SNCAIP: variants seen among roughly 807,000 people sequenced by gnomAD.
The protein encoded by SNCAIP is synuclein alpha interacting protein, also known as synphilin-1.
SNCAIP carries 43 observed loss-of-function variants against 86.7 expected under a neutral mutation model. That is an observed-to-expected ratio of 0.50 (90% CI 0.39 to 0.64). The LOEUF (loss-of-function observed/expected upper bound fraction) is 0.64, where lower values mean the gene tolerates loss of function less well. Ranked by LOEUF, SNCAIP falls within the 30% of genes least tolerant of loss-of-function variation. The probability of loss-of-function intolerance (pLI) is 0.00; values close to 1 mark genes in which losing one functional copy is unlikely to be tolerated. For missense variants in SNCAIP, 981 were observed against 1,103.1 expected (o/e 0.89, Z 1.57); for synonymous variants, 417 against 427.2 (o/e 0.98, Z 0.29).
intron 1 of SNCAIP, among the ~76,000 whole-genome samples, chr5:122,362,348 A>G (rs1036776823): frequency 2.0e-5 from 3 of 152,206 alleles, no homozygotes; most frequent in African/African-American, 7.2e-5. Context: ...CCTTTGAGGT[A>G]CAAAGAAATA....
intron 1 of SNCAIP, among the ~76,000 whole-genome samples, chr5:122,345,024 T>C (rs1758312642): frequency 1.3e-5 from 2 of 152,196 alleles, no homozygotes; most frequent in African/African-American, 4.8e-5. Context: ...CTACCAAATG[T>C]GTTCTGGTCT....
intron 1 of SNCAIP, among the ~76,000 whole-genome samples, chr5:122,373,254 C>G (rs1358211584): frequency 6.6e-6 from 1 of 152,096 alleles, no homozygotes; most frequent in Non-Finnish European, 1.5e-5. Context: ...ACTTTCTCAT[C>G]ATAATCAAGT....
rs117527812 is a variant in SNCAIP at position 122,318,165 on chromosome 5, C to G, written c.-47+5881C>G. Among the ~76,000 whole-genome samples the G allele has an allele frequency of 6.1e-3, 934 of 152,082 alleles. 30 individuals carry two copies. The highest frequency in any genetic ancestry group is 0.05 in the Admixed American group (760 of 15,270). On this transcript the variant is annotated intron_variant, in intron 1 of 10. Coordinates refer to ENST00000261368, the MANE Select transcript of SNCAIP (RefSeq NM_005460.4). ...TAGGTGCTGGTATGTTCAGCAACGC[C>G]TTCTTCTAGCTGCCCATATTATCCC...
intron 1 of SNCAIP, among the ~76,000 whole-genome samples, chr5:122,367,177 A>G (rs765436537): frequency 6.6e-6 from 1 of 152,086 alleles, no homozygotes; most frequent in Non-Finnish European, 1.5e-5. Context: ...ATCTGTACAC[A>G]TAGGTATTAG....
At chr5:122,462,214 A>G (rs1303702135) in intron 10 of SNCAIP, among the ~76,000 whole-genome samples, 1 of 152,092 alleles carries the variant, frequency 6.6e-6, no homozygotes, top group Non-Finnish European at 1.5e-5. Flanking sequence ...GGTAGTGCAA[A>G]TCAGTTAGTT....
intron 1 of SNCAIP, among the ~76,000 whole-genome samples, chr5:122,326,265 A>G (rs1238865427): frequency 6.6e-6 from 1 of 152,160 alleles, no homozygotes; most frequent in African/African-American, 2.4e-5. Context: ...CTTGTGTAGT[A>G]GGTTTTTCTA....
chr5:122,402,078 C>A (rs1433488817), intron 2 of SNCAIP, among the ~76,000 whole-genome samples: 2 of 151,792 alleles, frequency 1.3e-5, no homozygotes, highest in African/African-American at 2.4e-5. Flanking sequence ...TAAACTCTTG[C>A]CTTGGATGAA....
At chr5:122,334,592 C>T (rs558266149) in intron 1 of SNCAIP, among the ~76,000 whole-genome samples, 28 of 152,040 alleles carry the variant, frequency 1.8e-4, no homozygotes, top group Non-Finnish European at 3.1e-4. Context: ...TGTCAGTGGA[C>T]GTCAGGTGGT....
rs1043783135 is a variant in SNCAIP at position 122,463,825 on chromosome 5, G to C, written c.*329G>C. On this transcript the variant is annotated 3_prime_UTR_variant, in exon 11 of 11. Transcript: ENST00000261368. ...GGAAAATGTATGTTTTTTAAGAGTA[G>C]ATTGATTCACCCTACCCACAGGACA... The C allele has an allele frequency of 2.9e-5, 9 of 307,518 alleles. No individual in the cohort carries two copies. Among genetic ancestry groups the C allele is most frequent in the African/African-American group, 1.7e-4 (8 of 46,428 alleles). The allele number at this position is 307,518 out of a possible 1,614,324, so 19.0% of individuals were successfully genotyped here.
chr5:122,403,949 C>G, intron 3 of SNCAIP, 84 bp downstream of exon 3: 1 of 989,868 alleles, frequency 1.0e-6, no homozygotes, highest in Non-Finnish European at 1.6e-6. Flanking sequence ...ACACTGGTCC[C>G]CCCTGCTTTC....
chr5:122,419,234 A>G (rs1480912090), intron 3 of SNCAIP, among the ~76,000 whole-genome samples: 15 of 152,112 alleles, frequency 9.9e-5, no homozygotes, highest in Admixed American at 9.8e-4. Context: ...GCAAAGGTGG[A>G]GAGAGATGAG....
At chr5:122,383,056 G>A (rs1767255997) in intron 1 of SNCAIP, among the ~76,000 whole-genome samples, 1 of 152,212 alleles carries the variant, frequency 6.6e-6, no homozygotes, top group African/African-American at 2.4e-5. Flanking sequence ...TCCTTGAGCT[G>A]TGGTGGGCTC....
At chr5:122,418,718 C>T (rs530553730) in intron 3 of SNCAIP, among the ~76,000 whole-genome samples, 2 of 152,288 alleles carry the variant, frequency 1.3e-5, no homozygotes, top group South Asian at 4.1e-4. Context: ...AGCATTCTCA[C>T]TCTGTAAATC....
chr5:122,463,494 T>A lies in SNCAIP; in HGVS notation c.2758T>A (p.Ter920LysextTer1). 6.3e-7 allele frequency: 1 copy of A among 1,595,460 alleles called. No homozygotes were observed. Among genetic ancestry groups the A allele is most frequent in the Non-Finnish European group, 8.6e-7 (1 of 1,164,026 alleles). Residue 920 changes from the stop codon to lysine (K), a stop_lost, in exon 11 of 11, where the codon TAA becomes AAA. Transcript: ENST00000261368. Reference protein sequence around the residue: ...SASKGKNKAA* With the variant: ...SASKGKNKAAK ...CTGTGGTTTCTCTTCTGCTTAGGCA[T>A]AATGACATCAATAGAAAAATGAAGA...
At chr5:122,442,102 AAGC>A (rs1404004881) in intron 7 of SNCAIP, among the ~76,000 whole-genome samples, 1 of 147,628 alleles carries the variant, frequency 6.8e-6, no homozygotes, top group African/African-American at 2.5e-5. Context: ...ACCTTTAAGA[AAGC>A]AGTACTCTTT....
chr5:122,403,773 TTC>T lies in SNCAIP; in HGVS notation c.58-16_58-15del. ...ATTTTAAATTATTTTATGCCCTCTC[TTC>T]TCTGGCTTCCCGTTCAGTATTCAGT... On this transcript the variant is annotated intron_variant, in intron 2 of 10. Transcript: ENST00000261368. The T allele has an allele frequency of 1.9e-6, 3 of 1,603,962 alleles. No individual in the cohort carries two copies. Among genetic ancestry groups the T allele is most frequent in the Non-Finnish European group, 2.6e-6 (3 of 1,170,794 alleles).
intron 8 of SNCAIP, chr5:122,444,992 G>A: frequency 6.1e-6 from 3 of 492,362 alleles, no homozygotes; most frequent in Non-Finnish European, 1.1e-5. Context: ...AGTGGACAAG[G>A]CGAGAGAGCC....
intron 1 of SNCAIP, among the ~76,000 whole-genome samples, chr5:122,381,755 A>C (rs1418506816): frequency 2.0e-5 from 3 of 151,920 alleles, no homozygotes; most frequent in African/African-American, 7.3e-5. Context: ...AAAATCTCTC[A>C]GCATTTGCTT....
intron 5 of SNCAIP, among the ~76,000 whole-genome samples, chr5:122,427,976 C>T (rs1777679028): frequency 6.6e-6 from 1 of 152,116 alleles, no homozygotes; most frequent in Non-Finnish European, 1.5e-5. Flanking sequence ...CCCAAGAGTA[C>T]ATACTGTGGG....
Sources: gnomAD v4.1 joint callset for allele counts (sites outside exome capture counted in the v4.1 genomes callset) on GRCh38, gnomAD v4.1.1 for gene constraint, MANE v1.5 for transcripts, NCBI Gene and HGNC (gene_info 2026-07-23, HGNC 2026-07-21) for gene names.